The following FRAS1 variants were observed in gnomAD, a reference collection of about 807,000 sequenced individuals.
FRAS1 encodes the protein extracellular matrix organizing protein FRAS1.
Under a neutral mutation model 435.2 loss-of-function variants are expected in FRAS1, and 290 were observed. The ratio of observed to expected loss-of-function variants is 0.67; its 90% CI spans 0.61 to 0.73. The LOEUF (loss-of-function observed/expected upper bound fraction) is 0.73. Ranked by LOEUF, FRAS1 falls within the 30% of genes least tolerant of loss-of-function variation. The probability of loss-of-function intolerance (pLI) is 0.00; values close to 1 mark genes in which losing one functional copy is unlikely to be tolerated. For synonymous variants in FRAS1, 1,800 were observed against 1,851.0 expected (o/e 0.97, Z 0.71); for missense variants, 4,860 against 5,001.5 (o/e 0.97, Z 0.85).
intron 47 of FRAS1, among the ~76,000 whole-genome samples, chr4:78,452,685 C>A (rs1287434642): frequency 6.6e-6 from 1 of 152,228 alleles, no homozygotes; most frequent in Non-Finnish European, 1.5e-5. Context: ...CTGTGCAAGG[C>A]ATTCTGCATG....
intron 68 of FRAS1, among the ~76,000 whole-genome samples, chr4:78,522,282 A>G (rs1721407388): frequency 6.6e-6 from 1 of 152,098 alleles, no homozygotes; most frequent in Non-Finnish European, 1.5e-5. Context: ...AACTACTGAG[A>G]CCTTTCTACC....
chr4:78,438,498 G>C, intron 38 of FRAS1, 72 bp from the exon 39 acceptor site: 1 of 1,471,670 alleles, frequency 6.8e-7, no homozygotes, highest in Non-Finnish European at 9.4e-7. Context: ...AGCACCCATA[G>C]ATCTTTAGCT....
chr4:78,444,172 T>C (rs1718696410), intron 41 of FRAS1: 1 of 455,732 alleles, frequency 2.2e-6, no homozygotes, highest in Non-Finnish European at 4.4e-6. Flanking sequence ...GGGCCATTTT[T>C]GACTCAAATA....
chr4:78,389,047 T>C (rs1732343084), intron 29 of FRAS1, among the ~76,000 whole-genome samples: 1 of 152,222 alleles, frequency 6.6e-6, no homozygotes, highest in Non-Finnish European at 1.5e-5. Context: ...TCTACAACAT[T>C]TTGTCCATAT....
chr4:78,419,124 C>T, intron 33 of FRAS1, 61 bp downstream of exon 33: 1 of 909,108 alleles, frequency 1.1e-6, no homozygotes, highest in Non-Finnish European at 1.7e-6. Flanking sequence ...TTTTACCAGT[C>T]TTAATATCTC....
chr4:78,235,347 A>G (rs933151230), intron 2 of FRAS1, among the ~76,000 whole-genome samples: 2 of 152,314 alleles, frequency 1.3e-5, no homozygotes, highest in Admixed American at 6.5e-5. Context: ...GTCCATTGCT[A>G]GCATCCACCA....
intron 9 of FRAS1, among the ~76,000 whole-genome samples, chr4:78,278,183 AC>A (rs1320475925): frequency 1.3e-5 from 2 of 152,220 alleles, no homozygotes; most frequent in African/African-American, 2.4e-5. Context: ...TTAGTTTTCT[AC>A]TGCTTAATTT....
intron 50 of FRAS1, 44 bp from the exon 51 acceptor site, chr4:78,469,934 G>T: frequency 7.1e-7 from 1 of 1,399,034 alleles, no homozygotes; most frequent in East Asian, 2.3e-5. Flanking sequence ...ACATACTTCA[G>T]GTACTTGTGA....
intron 2 of FRAS1, among the ~76,000 whole-genome samples, chr4:78,224,155 T>C (rs1724170589): frequency 6.6e-6 from 1 of 152,106 alleles, no homozygotes; most frequent in African/African-American, 2.4e-5. Flanking sequence ...CTATAGGTAA[T>C]AGTGGCAGCC....
chr4:78,199,661 G>A (rs569061743), intron 2 of FRAS1, among the ~76,000 whole-genome samples: 2 of 152,250 alleles, frequency 1.3e-5, no homozygotes, highest in East Asian at 1.9e-4. Flanking sequence ...AAAGAGATTC[G>A]TGAGAAGACC....
At chr4:78,159,435 CTG>C (rs1721043159) in intron 2 of FRAS1, among the ~76,000 whole-genome samples, 1 of 152,116 alleles carries the variant, frequency 6.6e-6, no homozygotes, top group Non-Finnish European at 1.5e-5. Flanking sequence ...TTGCTATGGA[CTG>C]TATTCTGGAA....
intron 69 of FRAS1, 96 bp downstream of exon 69, chr4:78,522,904 CT>C: frequency 1.8e-6 from 2 of 1,122,618 alleles, no homozygotes; most frequent in Non-Finnish European, 1.2e-6. Context: ...GAAGGCTAGA[CT>C]TTTATTTTAA....
intron 55 of FRAS1, 148 bp from the exon 56 acceptor site, chr4:78,479,226 C>T (rs541966189): frequency 2.2e-6 from 1 of 464,498 alleles, no homozygotes; most frequent in South Asian, 8.1e-5. Flanking sequence ...CTCAAAGAAA[C>T]TGCAATTCAG....
At chr4:78,181,791 C>T (rs1482895928) in intron 2 of FRAS1, 3 of 1,611,782 alleles carry the variant, frequency 1.9e-6, no homozygotes, top group African/African-American at 1.3e-5. Flanking sequence ...ACCACGCCAA[C>T]GCTGCGGGGC....
Position 78,475,495 on chromosome 4 carries a change from C to T in FRAS1, c.7740C>T (p.Asn2580=), listed in dbSNP as rs1193897112. ...SVSVTVQRTG[N]LNQYAIVLCR... ...GTGTCACGGTGCAGAGGACTGGGAA[C>T]CTGAACCAATATGCCATCGTCCTGT... The change falls in exon 54 of 74, where the codon AAC becomes AAT. Residue 2580 remains asparagine (N), a synonymous_variant. Coordinates refer to ENST00000512123, the MANE Select transcript of FRAS1 (RefSeq NM_025074.7). 5 of 1,613,900 alleles carry T rather than the reference C, an allele frequency of 3.1e-6. No homozygotes were observed. In the South Asian group the frequency reaches 5.5e-5, roughly 18 times the overall value.
At chr4:78,423,172 CTT>C (rs538467173) in intron 34 of FRAS1, among the ~76,000 whole-genome samples, 2 of 144,434 alleles carry the variant, frequency 1.4e-5, no homozygotes, top group African/African-American at 5.0e-5. Context: ...TTTTCTTTTT[CTT>C]TTTTTTTTTT....
intron 55 of FRAS1, 113 bp from the exon 56 acceptor site, chr4:78,479,261 C>T (rs1719939318): frequency 1.7e-6 from 1 of 605,924 alleles, no homozygotes; most frequent in Admixed American, 3.9e-5. Context: ...AGAGTTTGAA[C>T]AGAAATAGTG....
intron 29 of FRAS1, among the ~76,000 whole-genome samples, chr4:78,391,645 T>C (rs192540365): frequency 6.6e-6 from 1 of 152,322 alleles, no homozygotes; most frequent in Admixed American, 6.5e-5. Flanking sequence ...CTGAACTTCT[T>C]TGTTACTCTT....
chr4:78,256,356 A>T (rs915716386), intron 6 of FRAS1, among the ~76,000 whole-genome samples: 5 of 152,206 alleles, frequency 3.3e-5, no homozygotes, highest in Non-Finnish European at 7.3e-5. Context: ...GAGCTTGTTC[A>T]TAGAGTTGCA....
Sources: gnomAD v4.1 joint callset for allele counts (sites outside exome capture counted in the v4.1 genomes callset) on GRCh38, gnomAD v4.1.1 for gene constraint, MANE v1.5 for transcripts, NCBI Gene and HGNC (gene_info 2026-07-23, HGNC 2026-07-21) for gene names.